Variants in FRMPD2 observed in about 807,000 individuals in gnomAD.
FRMPD2 encodes the protein FERM and PDZ domain-containing protein 2.
Under a neutral mutation model 140.1 loss-of-function variants are expected in FRMPD2, and 96 were observed. The observed-to-expected ratio is 0.69, with a 90% CI of 0.58 to 0.81. The LOEUF (loss-of-function observed/expected upper bound fraction) is 0.81. FRMPD2 is among the 40% of genes least tolerant of loss of function. The pLI, the probability that FRMPD2 is intolerant of heterozygous loss-of-function variation, is 0.00. For missense variants in FRMPD2, 1,240 were observed against 1,447.4 expected, an observed-to-expected ratio of 0.86 and a Z score of 2.32; for synonymous variants, 449 against 547.6, an observed-to-expected ratio of 0.82 and a Z score of 2.52.
intron 9 of FRMPD2, among the ~76,000 whole-genome samples, chr10:48,236,061 G>GT (rs1839959385): frequency 6.9e-6 from 1 of 144,590 alleles, no homozygotes; most frequent in East Asian, 2.0e-4. Context: ...TTTTGTTTTT[G>GT]TTTTTTGTTT....
upstream of FRMPD2, chr10:48,274,758 C>G (rs1840825171): frequency 1.7e-6 from 1 of 603,868 alleles, no homozygotes; most frequent in Non-Finnish European, 3.0e-6. Context: ...CCTTTCCTGC[C>G]ACCACTCTCA....
rs199589889 is a variant in FRMPD2 at position 48,274,529 on chromosome 10, A to C, written c.25+14T>G. 38 of 1,613,742 alleles carry C rather than the reference A, an allele frequency of 2.4e-5. No homozygotes were observed. In the East Asian group the frequency reaches 8.5e-4, roughly 36 times the overall value. ...CAGATTTATAGGAGAAAACTGAATG[A>C]TGCCAAGGAATACCTGCGTCCTTCG... On this transcript the variant is annotated intron_variant, in intron 1 of 28. Transcript: ENST00000374201.
intron 12 of FRMPD2, among the ~76,000 whole-genome samples, chr10:48,218,061 T>C (rs1322326583): frequency 1.3e-5 from 2 of 152,220 alleles, no homozygotes; most frequent in African/African-American, 4.8e-5. Context: ...GACTCTCTCC[T>C]TGGCTTGCAG....
chr10:48,215,428 G>A (rs145622989), intron 12 of FRMPD2, among the ~76,000 whole-genome samples: 18 of 152,298 alleles, frequency 1.2e-4, no homozygotes, highest in African/African-American at 2.9e-4. Flanking sequence ...CCCTGGTTGC[G>A]CTCTTTCTAG....
intron 9 of FRMPD2, 23 bp from the exon 10 acceptor site, chr10:48,232,312 T>G: frequency 6.4e-7 from 1 of 1,562,698 alleles, no homozygotes; most frequent in East Asian, 2.3e-5. Flanking sequence ...ACAGTATCAA[T>G]TATACTACAA....
At chr10:48,159,589 C>T (rs1421091788) in intron 28 of FRMPD2, among the ~76,000 whole-genome samples, 1 of 151,886 alleles carries the variant, frequency 6.6e-6, no homozygotes, top group African/African-American at 2.4e-5. Flanking sequence ...TCTCTGGCCT[C>T]CTAATTATCT....
chr10:48,272,327 T>C (rs566833977), intron 1 of FRMPD2, among the ~76,000 whole-genome samples: 1 of 152,332 alleles, frequency 6.6e-6, no homozygotes, highest in South Asian at 2.1e-4. Flanking sequence ...TGAGAGCCAA[T>C]TGTTAAATTT....
rs74925167 is a variant in FRMPD2 at position 48,238,601 on chromosome 10, C to G, written c.789-478G>C. On this transcript the variant is annotated intron_variant, in intron 7 of 28. Coordinates refer to ENST00000374201, the MANE Select transcript of FRMPD2 (RefSeq NM_001018071.4). Reference sequence around the variant, plus strand: ...TATTGCAAGATAAACTCTACGATATCCAATCAGGGCGTCAGCTGTGGATTT... The same window carrying G: ...TATTGCAAGATAAACTCTACGATATGCAATCAGGGCGTCAGCTGTGGATTT... Among the ~76,000 whole-genome samples, 1,396 of 152,260 alleles carry G rather than the reference C, an allele frequency of 9.2e-3. 10 individuals carry two copies. The highest frequency in any genetic ancestry group is 0.027 in the Middle Eastern group (8 of 294).
chr10:48,274,451 T>C, intron 1 of FRMPD2, 92 bp downstream of exon 1: 1 of 1,125,874 alleles, frequency 8.9e-7, no homozygotes, highest in Non-Finnish European at 1.3e-6. Context: ...CCCAGCTGTG[T>C]TCTTCTTATT....
At chr10:48,204,622 C>A (rs1257827595) in intron 14 of FRMPD2, among the ~76,000 whole-genome samples, 1 of 152,184 alleles carries the variant, frequency 6.6e-6, no homozygotes, top group Non-Finnish European at 1.5e-5. Context: ...ATATTACTTG[C>A]TGGCTTTTTT....
At chr10:48,270,948 A>G (rs1840756324) in intron 1 of FRMPD2, among the ~76,000 whole-genome samples, 2 of 152,124 alleles carry the variant, frequency 1.3e-5, no homozygotes, top group Non-Finnish European at 2.9e-5. Flanking sequence ...AAATTCTACA[A>G]AATGGTTTCC....
intron 5 of FRMPD2, among the ~76,000 whole-genome samples, chr10:48,240,783 GACC>G (rs1840088214): frequency 6.6e-6 from 1 of 152,138 alleles, no homozygotes; most frequent in African/African-American, 2.4e-5. Flanking sequence ...GTGCCCACAA[GACC>G]CAGAGCTGTG....
chr10:48,232,683 T>A (rs929618652), intron 9 of FRMPD2, among the ~76,000 whole-genome samples: 3 of 152,176 alleles, frequency 2.0e-5, no homozygotes, highest in Non-Finnish European at 2.9e-5. Flanking sequence ...AATCTGTCGA[T>A]CTGACATTGT....
At chr10:48,233,564 A>G (rs1839902198) in intron 9 of FRMPD2, among the ~76,000 whole-genome samples, 1 of 152,122 alleles carries the variant, frequency 6.6e-6, no homozygotes, top group South Asian at 2.1e-4. Flanking sequence ...GTATGCCCAT[A>G]ATGGGCCCCT....
chr10:48,223,412 G>A (rs1232249363), intron 10 of FRMPD2, 142 bp from the exon 11 acceptor site: 2 of 651,294 alleles, frequency 3.1e-6, no homozygotes, highest in Non-Finnish European at 4.8e-6. Context: ...TTGCGTACCT[G>A]GTAGCAAGGA....
At chr10:48,206,143 A>C (rs1049333628) in intron 14 of FRMPD2, among the ~76,000 whole-genome samples, 3 of 152,196 alleles carry the variant, frequency 2.0e-5, no homozygotes, top group Admixed American at 1.3e-4. Context: ...GGAGGCAGAA[A>C]TATGCATGCA....
intron 20 of FRMPD2, among the ~76,000 whole-genome samples, chr10:48,182,240 C>T (rs979900985): frequency 6.6e-6 from 1 of 152,156 alleles, no homozygotes; most frequent in African/African-American, 2.4e-5. Context: ...TTCACAGATT[C>T]TGTCATCATT....
intron 22 of FRMPD2, 83 bp downstream of exon 22, chr10:48,177,964 G>C (rs1838450684): frequency 1.5e-6 from 1 of 660,010 alleles, no homozygotes; most frequent in Non-Finnish European, 2.8e-6. Context: ...CACTGTCAGA[G>C]GTTGCCATCT....
At chr10:48,212,168 G>A in intron 12 of FRMPD2, 59 bp from the exon 13 acceptor site, 1 of 1,550,770 alleles carries the variant, frequency 6.4e-7, no homozygotes, top group South Asian at 1.2e-5. Context: ...GGGACTCTGA[G>A]AGGAATGAAA....
Sources: allele counts gnomAD v4.1 joint callset (sites outside exome capture counted in the v4.1 genomes callset), GRCh38; gene constraint gnomAD v4.1.1; transcripts MANE v1.5; gene names NCBI Gene and HGNC (gene_info 2026-07-23, HGNC 2026-07-21).